Variants in PLEKHA8 observed in about 807,000 individuals in gnomAD.
PLEKHA8 encodes pleckstrin homology domain-containing family A member 8.
Under a neutral mutation model 68.2 loss-of-function variants are expected in PLEKHA8, and 36 were observed. The ratio of observed to expected loss-of-function variants is 0.53; its 90% confidence interval spans 0.40 to 0.70. The LOEUF is 0.70. Ranked by LOEUF, PLEKHA8 falls within the 30% of genes least tolerant of loss-of-function variation. PLEKHA8 has a pLI of 0.00. For missense variants in PLEKHA8, 505 were observed against 615.4 expected, an observed-to-expected ratio of 0.82 and a Z score of 1.90; for synonymous variants, 211 against 216.1, an observed-to-expected ratio of 0.98 and a Z score of 0.20.
Position 30,080,031 on chromosome 7 carries a change from C to G in PLEKHA8, c.*1244C>G. 2.0e-6 allele frequency: 2 copies of G among 985,200 alleles called. No individual in the cohort carries two copies. The highest frequency in any genetic ancestry group is 2.4e-6 in the Non-Finnish European group (2 of 829,896). The allele number at this position is 985,200 out of a possible 1,614,324, so 61.0% of individuals were successfully genotyped here. On this transcript the variant is annotated 3_prime_UTR_variant, in exon 14 of 14. Coordinates refer to ENST00000449726, the MANE Select transcript of PLEKHA8 (RefSeq NM_001197026.2). ...TTGACACCCAGCCAGCAGGCCTTTG[C>G]ATTGCATTCGGGGACCATGACTCTG...
intron 12 of PLEKHA8, chr7:30,090,011 A>G: frequency 1.4e-6 from 1 of 713,956 alleles, no homozygotes; most frequent in Non-Finnish European, 2.2e-6. Context: ...TAAATGTAGG[A>G]GTATCGAGAT....
intron 13 of PLEKHA8, among the ~76,000 whole-genome samples, chr7:30,116,258 A>ACATG (rs1245844918): frequency 1.3e-5 from 2 of 151,178 alleles, no homozygotes; most frequent in African/African-American, 4.9e-5. Context: ...GTACACGTAT[A>ACATG]CATGCATACA....
intron 1 of PLEKHA8, among the ~76,000 whole-genome samples, chr7:30,044,218 G>A (rs910952439): frequency 2.0e-5 from 3 of 152,004 alleles, no homozygotes; most frequent in African/African-American, 7.2e-5. Flanking sequence ...TGTTGGCCAG[G>A]ATGGTCTCCA....
chr7:30,047,658 C>G (rs1053584669), intron 3 of PLEKHA8, among the ~76,000 whole-genome samples, 174 bp from the exon 4 acceptor site: 1 of 152,082 alleles, frequency 6.6e-6, no homozygotes, highest in South Asian at 2.1e-4. Flanking sequence ...TCTGGTTTTT[C>G]TTGTTATTAT....
At chr7:30,116,285 T>G (rs142638188) in intron 13 of PLEKHA8, among the ~76,000 whole-genome samples, 74 of 151,836 alleles carry the variant, frequency 4.9e-4, no homozygotes, top group African/African-American at 1.6e-3. Flanking sequence ...TATGTATACA[T>G]GTATGTATTC....
intron 1 of PLEKHA8, among the ~76,000 whole-genome samples, chr7:30,031,821 G>A (rs1195661333): frequency 3.3e-5 from 5 of 152,008 alleles, no homozygotes; most frequent in Non-Finnish European, 2.9e-5. Context: ...ATTTTAAATC[G>A]ATAGGTATTA....
Position 30,028,691 on chromosome 7 carries a change from G to T in PLEKHA8, c.-72G>T. The T allele has an allele frequency of 8.7e-7, 1 of 1,144,996 alleles. No individual in the cohort carries two copies. The highest frequency in any genetic ancestry group is 1.1e-6 in the Non-Finnish European group (1 of 899,658). The allele number at this position is 1,144,996 out of a possible 1,614,324, so 70.9% of individuals were successfully genotyped here. A position where few individuals can be genotyped will look rare whatever the true frequency, so the allele number is the denominator to read the frequency against. ...AGCGCCAGGCGATGGCCCTGCTGCT[G>T]GTGCTCCTCGCCTCTTGGGGCCTGG... On this transcript the variant is annotated 5_prime_UTR_variant, in exon 1 of 14. Transcript: ENST00000449726.
At chr7:30,036,447 G>C (rs558564886) in intron 1 of PLEKHA8, among the ~76,000 whole-genome samples, 5 of 140,970 alleles carry the variant, frequency 3.5e-5, no homozygotes, top group South Asian at 2.2e-4. Context: ...TAGATAGATA[G>C]ATAGATAGAT....
intron 13 of PLEKHA8, among the ~76,000 whole-genome samples, chr7:30,121,427 G>A (rs1258280770): frequency 6.6e-6 from 1 of 152,108 alleles, no homozygotes; most frequent in East Asian, 1.9e-4. Context: ...TTAGGAGTTC[G>A]AGACCTGCCT....
intron 13 of PLEKHA8, among the ~76,000 whole-genome samples, chr7:30,103,164 T>C (rs1795914243): frequency 1.3e-5 from 2 of 152,178 alleles, no homozygotes; most frequent in South Asian, 4.1e-4. Context: ...CTGTTTCGAA[T>C]AACAAAAATG....
At chr7:30,050,735 C>G in intron 6 of PLEKHA8, 1 of 263,144 alleles carries the variant, frequency 3.8e-6, no homozygotes, top group Non-Finnish European at 7.0e-6. Flanking sequence ...CTTTTAATCT[C>G]TCTAGGGTGT....
At chr7:30,051,420 A>G (rs865795297) in intron 6 of PLEKHA8, among the ~76,000 whole-genome samples, 24 of 151,820 alleles carry the variant, frequency 1.6e-4, no homozygotes, top group Admixed American at 5.2e-4. Flanking sequence ...AGAAAATAGC[A>G]AATACTTTTC....
chr7:30,055,148 A>G (rs1792736434), intron 8 of PLEKHA8, 109 bp from the exon 9 acceptor site: 1 of 987,800 alleles, frequency 1.0e-6, no homozygotes, highest in Admixed American at 1.9e-5. Flanking sequence ...TATCAAGTCA[A>G]ACGATTTGCC....
At chr7:30,077,369 T>G (rs966498030) in intron 13 of PLEKHA8, among the ~76,000 whole-genome samples, 12 of 152,190 alleles carry the variant, frequency 7.9e-5, no homozygotes, top group Admixed American at 6.5e-5. Flanking sequence ...GGAGATTTTC[T>G]TTTGTTATGT....
intron 13 of PLEKHA8, among the ~76,000 whole-genome samples, chr7:30,078,055 A>G (rs893164937): frequency 2.6e-5 from 4 of 152,228 alleles, no homozygotes; most frequent in Non-Finnish European, 5.9e-5. Context: ...GCATCAGCGC[A>G]CAAGCAAACA....
intron 9 of PLEKHA8, among the ~76,000 whole-genome samples, chr7:30,058,902 G>A (rs117382679): frequency 0.01 from 1,557 of 152,332 alleles, 17 homozygotes; most frequent in East Asian, 0.04. Context: ...CAAGGCAGGA[G>A]GATCGCTTGA....
intron 13 of PLEKHA8, among the ~76,000 whole-genome samples, chr7:30,112,714 G>GAAA (rs59606022): frequency 7.2e-6 from 1 of 138,014 alleles, no homozygotes; most frequent in East Asian, 2.1e-4. Context: ...GACCCAGTCT[G>GAAA]AAAAAAAAAA....
intron 13 of PLEKHA8, among the ~76,000 whole-genome samples, chr7:30,097,529 T>G (rs1363226459): frequency 2.0e-5 from 3 of 152,206 alleles, no homozygotes; most frequent in Non-Finnish European, 4.4e-5. Flanking sequence ...TTCGTTTCTT[T>G]TTATTCTTTT....
intron 1 of PLEKHA8, 78 bp downstream of exon 1, chr7:30,028,880 C>G (rs955473547): frequency 7.4e-5 from 91 of 1,228,036 alleles, no homozygotes; most frequent in Non-Finnish European, 8.9e-5. Context: ...TGTCTGGACC[C>G]GTCTTAGGGA....
Sources: gnomAD v4.1 joint callset for allele counts (sites outside exome capture counted in the v4.1 genomes callset) on GRCh38, gnomAD v4.1.1 for gene constraint, MANE v1.5 for transcripts, NCBI Gene and HGNC (gene_info 2026-07-23, HGNC 2026-07-21) for gene names.